DCC: variants seen among roughly 807,000 people sequenced by gnomAD.
DCC encodes DCC netrin 1 receptor, also known as netrin receptor DCC.
Under a neutral mutation model 172.5 loss-of-function variants are expected in DCC, and 58 were observed. The observed-to-expected ratio is 0.34, with a 90% CI of 0.27 to 0.42. DCC has a LOEUF of 0.42. DCC is among the 10% of genes least tolerant of loss of function. The pLI is 1.00. For synonymous variants in DCC, 709 were observed against 644.5 expected (o/e 1.10, Z -1.52); for missense variants, 1,740 against 1,791.0 (o/e 0.97, Z 0.51).
chr18:52,500,344 T>C (rs923921570), intron 1 of DCC, among the ~76,000 whole-genome samples: 1 of 152,186 alleles, frequency 6.6e-6, no homozygotes, highest in Non-Finnish European at 1.5e-5. Flanking sequence ...AGCAGAGCTG[T>C]TGATTAGCAT....
chr18:53,281,763 T>A (rs1287370223), intron 12 of DCC, among the ~76,000 whole-genome samples: 1 of 108,700 alleles, frequency 9.2e-6, no homozygotes, highest in Non-Finnish European at 1.8e-5. Flanking sequence ...TAATGGGGGA[T>A]TTTTTTTTTT....
intron 1 of DCC, among the ~76,000 whole-genome samples, chr18:52,474,543 G>A (rs1226531306): frequency 1.3e-5 from 2 of 152,282 alleles, no homozygotes; most frequent in East Asian, 1.9e-4. Context: ...TCTGCCTGGT[G>A]ATGAAAGCAG....
In DCC at chr18:53,416,423, T is replaced by G; in HGVS notation, c.3163+267T>G. 3 of 620,988 alleles carry G rather than the reference T, an allele frequency of 4.8e-6. 1 individual carries two copies. The highest frequency in any genetic ancestry group is 2.9e-6 in the Non-Finnish European group (1 of 339,286). The allele number at this position is 620,988 out of a possible 1,614,324, so 38.5% of individuals were successfully genotyped here. On this transcript the variant is annotated intron_variant, in intron 21 of 28. Coordinates refer to ENST00000442544, the MANE Select transcript of DCC (RefSeq NM_005215.4). ...GTCAAGCTTCTTTGTATGAAATAAATTTTTAGTCTCTGTCTGCACTTCTGA... is the reference window on the plus strand; with the variant it reads ...GTCAAGCTTCTTTGTATGAAATAAAGTTTTAGTCTCTGTCTGCACTTCTGA...
At chr18:53,096,977 G>A (rs2043097341) in intron 7 of DCC, among the ~76,000 whole-genome samples, 2 of 152,102 alleles carry the variant, frequency 1.3e-5, no homozygotes, top group Admixed American at 6.6e-5. Flanking sequence ...CACATCAAAA[G>A]AAAGAAAGAA....
At position 53,323,358 on chromosome 18, in the gene DCC, A is replaced by T. The variant is rs527277743; in HGVS notation, c.2164+1201A>T. On this transcript the variant is annotated intron_variant, in intron 14 of 28. Coordinates refer to ENST00000442544, the MANE Select transcript of DCC (RefSeq NM_005215.4). ...GTTTTACTAAAATAATTATGGTAGC[A>T]TTAAACAATCAACAGTTGATATTTC... is the stretch of plus-strand genomic sequence containing the variant. 2.6e-5 allele frequency among the ~76,000 whole-genome samples: 4 copies of T among 152,324 alleles called. No homozygotes were observed. The East Asian group carries it at 7.7e-4, about 29-fold the overall frequency.
intron 1 of DCC, among the ~76,000 whole-genome samples, chr18:52,426,862 C>A (rs1415312724): frequency 1.3e-5 from 2 of 151,992 alleles, no homozygotes; most frequent in Admixed American, 6.6e-5. Context: ...ACAAAAAATC[C>A]ATTTTGGTTA....
chr18:53,045,001 A>T (rs9950066), intron 5 of DCC, among the ~76,000 whole-genome samples: 41,995 of 151,686 alleles, frequency 0.28, 6,392 homozygotes, highest in African/African-American at 0.4. Flanking sequence ...TATAAAATGT[A>T]TATACAGAAA....
At chr18:53,099,943 C>CTTTTTTTTTTTTTTTTTTTTT (rs533618559) in intron 7 of DCC, among the ~76,000 whole-genome samples, 5 of 92,754 alleles carry the variant, frequency 5.4e-5, no homozygotes, top group South Asian at 3.6e-4. Flanking sequence ...TTCTTTCTTT[C>CTTTTTTTTTTTTTTTTTTTTT]TTTTTTTTTT....
chr18:52,894,340 A>G (rs984558089), intron 2 of DCC, among the ~76,000 whole-genome samples: 1 of 152,032 alleles, frequency 6.6e-6, no homozygotes. Flanking sequence ...TCCCTGGCAC[A>G]TATTAGATGT....
intron 1 of DCC, among the ~76,000 whole-genome samples, chr18:52,553,336 CA>C (rs996961125): frequency 2.0e-5 from 3 of 151,924 alleles, no homozygotes; most frequent in Non-Finnish European, 4.4e-5. Flanking sequence ...CTCCAAGAAC[CA>C]AAAGACCTTT....
At chr18:53,030,621 A>G (rs1456792445) in intron 5 of DCC, among the ~76,000 whole-genome samples, 3 of 152,120 alleles carry the variant, frequency 2.0e-5, no homozygotes, top group Admixed American at 1.3e-4. Context: ...AAGGCCCCCA[A>G]CTTAGTATGT....
intron 1 of DCC, among the ~76,000 whole-genome samples, chr18:52,639,201 A>G (rs779385739): frequency 3.0e-4 from 46 of 152,174 alleles, no homozygotes; most frequent in Admixed American, 5.9e-4. Context: ...TACCTACATC[A>G]GAAAGACTGA....
At chr18:52,722,709 C>T (rs1277025157) in intron 1 of DCC, among the ~76,000 whole-genome samples, 1 of 152,146 alleles carries the variant, frequency 6.6e-6, no homozygotes, top group African/African-American at 2.4e-5. Context: ...TCCTGACCTG[C>T]CCTCACCTGG....
In DCC at chr18:52,573,199, T is replaced by G. The variant is rs116030454; in HGVS notation, c.92-178855T>G. Among the ~76,000 whole-genome samples, 1,067 of 152,196 alleles carry G rather than the reference T, an allele frequency of 7.0e-3. 18 individuals carry two copies. The highest frequency in any genetic ancestry group is 0.025 in the African/African-American group (1,028 of 41,506). ...TCTTGTATGGTTAATAATACTTGATTTACTATCAATAATAAAAATACATAT... is the reference window on the plus strand; with the variant it reads ...TCTTGTATGGTTAATAATACTTGATGTACTATCAATAATAAAAATACATAT... On this transcript the variant is annotated intron_variant, in intron 1 of 28. Transcript: ENST00000442544.
chr18:52,417,777 A>T (rs1253168893), intron 1 of DCC, among the ~76,000 whole-genome samples: 7 of 151,590 alleles, frequency 4.6e-5, no homozygotes, highest in African/African-American at 7.3e-5. Context: ...ATTCGTCTAA[A>T]TTTTTTTCAA....
At chr18:52,657,201 T>C (rs1435098101) in intron 1 of DCC, among the ~76,000 whole-genome samples, 1 of 152,196 alleles carries the variant, frequency 6.6e-6, no homozygotes, top group East Asian at 1.9e-4. Context: ...CTCTGTGATG[T>C]TCCCCATAGT....
rs184465378 is a variant in DCC, at chr18:53,278,108, G to C, written c.1912-27470G>C. ...TATTCACAGGCATATGACTAGACAA[G>C]TAGTGTATATATGACACAATAACTA... On this transcript the variant is annotated intron_variant, in intron 12 of 28. Transcript: ENST00000442544. Among the ~76,000 whole-genome samples, 86 of 152,234 alleles carry C rather than the reference G, an allele frequency of 5.6e-4. 1 individual carries two copies. The highest frequency in any genetic ancestry group is 1.2e-4 in the Non-Finnish European group (8 of 68,016).
At chr18:53,164,854 A>G (rs939557415) in intron 8 of DCC, among the ~76,000 whole-genome samples, 9 of 152,190 alleles carry the variant, frequency 5.9e-5, no homozygotes, top group African/African-American at 2.2e-4. Context: ...ATCCTCAGAT[A>G]AGGTATTTAT....
At chr18:53,123,040 C>A (rs776148974) in intron 7 of DCC, among the ~76,000 whole-genome samples, 2 of 151,998 alleles carry the variant, frequency 1.3e-5, no homozygotes, top group African/African-American at 4.8e-5. Context: ...TCATCGTGAG[C>A]AAAACAGGCA....
Sources: gnomAD v4.1 joint callset for allele counts (sites outside exome capture counted in the v4.1 genomes callset) on GRCh38, gnomAD v4.1.1 for gene constraint, MANE v1.5 for transcripts, NCBI Gene and HGNC (gene_info 2026-07-23, HGNC 2026-07-21) for gene names.